GABRB2: variants seen among roughly 807,000 people sequenced by gnomAD.
GABRB2 encodes gamma-aminobutyric acid type A receptor subunit beta2, also known as gamma-aminobutyric acid receptor subunit beta-2.
A neutral mutation model predicts 54.7 loss-of-function variants in GABRB2; 16 were observed. The observed-to-expected ratio is 0.29, with a 90% CI of 0.20 to 0.44. The LOEUF (loss-of-function observed/expected upper bound fraction) is 0.44. Among genes scored for constraint, GABRB2 ranks in the 20% least tolerant of loss-of-function variants. The pLI, the probability that GABRB2 is intolerant of heterozygous loss-of-function variation, is 1.00. For missense variants in GABRB2, 355 were observed against 644.0 expected (o/e 0.55, Z 4.86); for synonymous variants, 244 against 233.8 (o/e 1.04, Z -0.40).
intron 4 of GABRB2, among the ~76,000 whole-genome samples, chr5:161,445,485 G>C (rs984109824): frequency 2.0e-4 from 31 of 152,148 alleles, no homozygotes; most frequent in African/African-American, 7.2e-4. Context: ...AAGTTAACCT[G>C]AAAAATCAGT....
At chr5:161,489,855 C>T (rs567656667) in intron 3 of GABRB2, among the ~76,000 whole-genome samples, 2 of 151,876 alleles carry the variant, frequency 1.3e-5, no homozygotes, top group East Asian at 1.9e-4. Context: ...AGAATACAAG[C>T]TCCTTCTCTT....
At chr5:161,411,460 A>G (rs1434002425) in intron 4 of GABRB2, among the ~76,000 whole-genome samples, 1 of 152,224 alleles carries the variant, frequency 6.6e-6, no homozygotes, top group African/African-American at 2.4e-5. Flanking sequence ...CCTCAAGATC[A>G]GAAACATGTA....
rs373977937 is a variant in GABRB2 at position 161,299,365 on chromosome 5, G to A, written c.1192-4937C>T. 2.0e-4 allele frequency among the ~76,000 whole-genome samples: 30 copies of A among 152,228 alleles called. 1 individual carries two copies. In the East Asian group the frequency reaches 4.8e-3, roughly 25 times the overall value. ...GCCTTTTCTGAGCCAATGGCATGCC[G>A]TGAGTCTTCAGATGGGAATAGCAGA... On this transcript the variant is annotated intron_variant, in intron 9 of 9. Transcript: ENST00000393959.
At chr5:161,326,267 T>C in intron 9 of GABRB2, 101 bp downstream of exon 9, 1 of 1,519,098 alleles carries the variant, frequency 6.6e-7, no homozygotes, top group Non-Finnish European at 8.9e-7. Context: ...TACATGTTCA[T>C]AGGTTATCTG....
intron 3 of GABRB2, among the ~76,000 whole-genome samples, chr5:161,539,615 C>A (rs1381250745): frequency 2.0e-5 from 3 of 152,042 alleles, no homozygotes; most frequent in Non-Finnish European, 4.4e-5. Context: ...TATTGCCAAC[C>A]CAAGCACACT....
intron 3 of GABRB2, among the ~76,000 whole-genome samples, chr5:161,518,946 C>T (rs547263554): frequency 2.0e-4 from 31 of 152,212 alleles, no homozygotes; most frequent in Middle Eastern, 3.4e-3. Flanking sequence ...CTGTAGACAG[C>T]AGTAGTGATG....
At chr5:161,538,301 C>T (rs770193512) in intron 3 of GABRB2, among the ~76,000 whole-genome samples, 15 of 152,092 alleles carry the variant, frequency 9.9e-5, no homozygotes, top group Non-Finnish European at 1.8e-4. Context: ...ATAACCTTGT[C>T]GTGATGTAAT....
chr5:161,414,273 A>G (rs1756599789), intron 4 of GABRB2, among the ~76,000 whole-genome samples: 1 of 152,300 alleles, frequency 6.6e-6, no homozygotes, highest in African/African-American at 2.4e-5. Context: ...TAGTTGCCTC[A>G]TCCTGAAAAT....
chr5:161,320,625 T>G (rs1026899864), intron 9 of GABRB2, among the ~76,000 whole-genome samples: 1 of 151,916 alleles, frequency 6.6e-6, no homozygotes, highest in Non-Finnish European at 1.5e-5. Context: ...ATTCTCAGCT[T>G]TCTTCAGATT....
chr5:161,495,504 G>T lies in GABRB2; in HGVS notation c.238-35660C>A, dbSNP rs147206480. 9.2e-4 allele frequency among the ~76,000 whole-genome samples: 139 copies of T among 151,668 alleles called. 1 individual carries two copies. The highest frequency in any genetic ancestry group is 3.1e-3 in the African/African-American group (130 of 41,388). ...TTTTTAATGATTTTTTTCTAATAAA[G>T]AAATTTGAAAACGTTTGCCCCAAAT... On this transcript the variant is annotated intron_variant, in intron 3 of 9. Coordinates refer to ENST00000393959, the MANE Select transcript of GABRB2 (RefSeq NM_001371727.1).
chr5:161,463,551 TTATTTATATATATATATA>T lies in GABRB2; in HGVS notation c.238-3725_238-3708del, dbSNP rs1248858097. Among the ~76,000 whole-genome samples, 41 of 30,264 alleles carry T rather than the reference TTATTTATATATATATATA, an allele frequency of 1.4e-3. 6 individuals are homozygous for T. Among genetic ancestry groups the T allele is most frequent in the Middle Eastern group, 0.031 (1 of 32 alleles). 19.9% of individuals were successfully genotyped at this position (30,264 alleles called of 152,430 possible). A position where few individuals can be genotyped will look rare whatever the true frequency, so the allele number is the denominator to read the frequency against. On this transcript the variant is annotated intron_variant, in intron 3 of 9. Transcript: ENST00000393959. The stretch of plus-strand genomic sequence containing the variant: ...GTTGACAAGGTGATTCCAAATATTT[TTATTTATATATATATATA>T]TATATATATATATATATATATATAT...
intron 3 of GABRB2, among the ~76,000 whole-genome samples, chr5:161,463,550 T>C (rs1480472869): frequency 6.9e-5 from 2 of 28,998 alleles, no homozygotes; most frequent in Non-Finnish European, 1.3e-4. Flanking sequence ...TCCAAATATT[T>C]TTATTTATAT....
chr5:161,481,876 G>A (rs1758772884), intron 3 of GABRB2, among the ~76,000 whole-genome samples: 1 of 151,960 alleles, frequency 6.6e-6, no homozygotes, highest in African/African-American at 2.4e-5. Context: ...TAGATTAAAT[G>A]ATCCAGAAAG....
intron 5 of GABRB2, among the ~76,000 whole-genome samples, chr5:161,407,526 T>C (rs927727000): frequency 6.6e-6 from 1 of 152,112 alleles, no homozygotes; most frequent in Non-Finnish European, 1.5e-5. Flanking sequence ...ACTATTTCTG[T>C]ACTAGAACTC....
chr5:161,463,701 A>C (rs1758196999), intron 3 of GABRB2, among the ~76,000 whole-genome samples: 1 of 149,124 alleles, frequency 6.7e-6, no homozygotes, highest in Non-Finnish European at 1.5e-5. Flanking sequence ...AATACTTACT[A>C]ATACTACCAC....
intron 5 of GABRB2, among the ~76,000 whole-genome samples, chr5:161,393,798 A>G (rs1755910184): frequency 6.6e-6 from 1 of 152,096 alleles, no homozygotes; most frequent in Non-Finnish European, 1.5e-5. Context: ...AATTACAAAA[A>G]CATAGTAGGA....
At chr5:161,474,368 G>T (rs1447381900) in intron 3 of GABRB2, among the ~76,000 whole-genome samples, 1 of 151,916 alleles carries the variant, frequency 6.6e-6, no homozygotes, top group African/African-American at 2.4e-5. Flanking sequence ...TCCTAAATGG[G>T]TTTTCTCCCT....
chr5:161,381,731 G>T (rs1466949902), intron 5 of GABRB2, among the ~76,000 whole-genome samples: 3 of 152,162 alleles, frequency 2.0e-5, no homozygotes, highest in Admixed American at 6.5e-5. Context: ...ATACTGAAGA[G>T]GTTACGAGCA....
At chr5:161,479,738 T>C (rs1758701597) in intron 3 of GABRB2, among the ~76,000 whole-genome samples, 1 of 151,810 alleles carries the variant, frequency 6.6e-6, no homozygotes, top group Non-Finnish European at 1.5e-5. Context: ...TACAGGTGCA[T>C]GCCACCACAA....
Sources: gnomAD v4.1 joint callset for allele counts (sites outside exome capture counted in the v4.1 genomes callset) on GRCh38, gnomAD v4.1.1 for gene constraint, MANE v1.5 for transcripts, NCBI Gene and HGNC (gene_info 2026-07-23, HGNC 2026-07-21) for gene names.